TUBG1: variants seen among roughly 807,000 people sequenced by gnomAD.
The protein encoded by TUBG1 is tubulin gamma-1 chain.
TUBG1 carries 22 observed loss-of-function variants against 53.3 expected under a neutral mutation model. The ratio of observed to expected loss-of-function variants is 0.41; its 90% CI spans 0.29 to 0.59. The LOEUF (loss-of-function observed/expected upper bound fraction) is 0.59. TUBG1 is among the 20% of genes least tolerant of loss of function. TUBG1 has a pLI of 0.26. For missense variants in TUBG1, 217 were observed against 598.9 expected, an observed-to-expected ratio of 0.36 and a Z score of 6.66; for synonymous variants, 198 against 236.7, an observed-to-expected ratio of 0.84 and a Z score of 1.50.
At chr17:42,610,632 A>T (rs766588958) in intron 3 of TUBG1, 42 bp downstream of exon 3, 2 of 1,613,850 alleles carry the variant, frequency 1.2e-6, no homozygotes, top group East Asian at 4.5e-5. Context: ...CTCGCTGGGT[A>T]GGGACAGGCT....
chr17:42,611,388 A>G (rs995431985), intron 3 of TUBG1: 1 of 152,204 alleles, frequency 6.6e-6, no homozygotes, highest in Non-Finnish European at 1.5e-5. Context: ...TATTTAATAT[A>G]TAGTATATAT....
chr17:42,614,992 A>G lies in TUBG1; in HGVS notation c.1307A>G (p.His436Arg), dbSNP rs2143457014. 6.2e-7 allele frequency: 1 copy of G among 1,614,172 alleles called. No individual in the cohort carries two copies. Among genetic ancestry groups the G allele is most frequent in the Non-Finnish European group, 8.5e-7 (1 of 1,180,016 alleles). ...EIVQQLIDEY[H>R]AATRPDYISW... ...GTGCAGCAGCTCATCGATGAGTACCATGCGGCCACACGGCCAGACTACATC... is the reference window on the plus strand; with the variant it reads ...GTGCAGCAGCTCATCGATGAGTACCGTGCGGCCACACGGCCAGACTACATC... Residue 436 changes from histidine to arginine, a missense_variant, in exon 11 of 11, where the codon CAT (histidine) becomes CGT (arginine). This residue lies in a region of TUBG1 where 25 missense variants were observed against 32.4 expected (regional missense o/e 0.77). Transcript: ENST00000251413. The surrounding 1 kb of genome is among the most constrained non-coding windows in gnomAD (Gnocchi z 5.1).
Position 42,610,451 on chromosome 17 carries a change from C to T in TUBG1, c.191C>T (p.Ala64Val). 2 of 1,609,920 alleles carry T rather than the reference C, an allele frequency of 1.2e-6. No homozygotes were observed. The highest frequency in any genetic ancestry group is 1.7e-6 in the Non-Finnish European group (2 of 1,176,572). ...GACGATGAGCACTACATCCCCCGGGCCGTGCTGCTGGACTTGGAACCCCGG... is the reference window on the plus strand; with the variant it reads ...GACGATGAGCACTACATCCCCCGGGTCGTGCTGCTGGACTTGGAACCCCGG... ...QADDEHYIPR[A>V]VLLDLEPRVI... The change falls in exon 3 of 11, where the codon GCC (alanine) becomes GTC (valine). Residue 64 changes from alanine (A) to valine (V), a missense_variant. By Grantham distance (64) the Ala-to-Val change is moderately conservative (BLOSUM62 0). Around this residue, in one of 4 missense-constraint regions of TUBG1, gnomAD observed 57 missense variants for 169.3 expected, o/e 0.34. Transcript: ENST00000251413.
chr17:42,613,113 C>A, intron 6 of TUBG1, 40 bp downstream of exon 6: 2 of 1,598,120 alleles, frequency 1.3e-6, no homozygotes, highest in Non-Finnish European at 1.7e-6. Flanking sequence ...CTCAACACCC[C>A]ATACCCACTC....
rs768831248 is a variant in TUBG1 at position 42,615,070 on chromosome 17, C to T, written c.*29C>T. 1.9e-6 allele frequency: 3 copies of T among 1,611,868 alleles called. No homozygotes were observed. Among genetic ancestry groups the T allele is most frequent in the South Asian group, 1.1e-5 (1 of 90,898 alleles). On this transcript the variant is annotated 3_prime_UTR_variant, in exon 11 of 11. Transcript: ENST00000251413. ...CCCCAGGACAGGGACCCTCATCTGC[C>T]TTACTGGTTGGCCCAAGCCCTGCCT...
rs375184270 is a variant in TUBG1, at chr17:42,610,508, C to T, written c.248C>T (p.Ala83Val). 1 of 1,614,042 alleles carries T rather than the reference C, an allele frequency of 6.2e-7. No homozygotes were observed. Among genetic ancestry groups the T allele is most frequent in the Non-Finnish European group, 8.5e-7 (1 of 1,179,892 alleles). Residue 83 changes from alanine (A) to valine (V), a missense_variant, in exon 3 of 11, where the codon GCC becomes GTC. Physicochemically the swap from Ala to Val is moderately conservative, Grantham distance 64. Coordinates refer to ENST00000251413, the MANE Select transcript of TUBG1 (RefSeq NM_001070.5). ...CACTCCATCCTCAACTCCCCCTATGCCAAGCTCTACAACCCAGAGAACATC... is the reference window on the plus strand; with the variant it reads ...CACTCCATCCTCAACTCCCCCTATGTCAAGCTCTACAACCCAGAGAACATC... The part of the protein sequence containing the change: ...VIHSILNSPY[A>V]KLYNPENIYL...
chr17:42,610,241 G>T, intron 2 of TUBG1, 21 bp downstream of exon 2: 1 of 1,614,110 alleles, frequency 6.2e-7, no homozygotes, highest in East Asian at 2.2e-5. Flanking sequence ...CGACTTGGCC[G>T]GGGGCGGCAG....
At chr17:42,612,329 G>A in intron 4 of TUBG1, 98 bp from the exon 5 acceptor site, 1 of 1,438,058 alleles carries the variant, frequency 7.0e-7, no homozygotes, top group African/African-American at 1.4e-5. Context: ...GGGAAGCAAG[G>A]GCTCGGGAAA....
chr17:42,613,500 C>T (rs1004547570), intron 6 of TUBG1, 147 bp from the exon 7 acceptor site: 31 of 1,159,108 alleles, frequency 2.7e-5, no homozygotes, highest in Admixed American at 4.8e-5. Flanking sequence ...TTTGAGCCCT[C>T]CTTTGCCCTA....
In TUBG1 at chr17:42,614,738, T is replaced by C; in HGVS notation, c.1158+81T>C. Reference sequence around the variant, plus strand: ...ACCTCTCTGCATCTGCTGGCCCTGCTTCTAGCTTTTTTGCTGTGGGCATAG... The same window carrying C: ...ACCTCTCTGCATCTGCTGGCCCTGCCTCTAGCTTTTTTGCTGTGGGCATAG... On this transcript the variant is annotated intron_variant, in intron 10 of 10. Coordinates refer to ENST00000251413, the MANE Select transcript of TUBG1 (RefSeq NM_001070.5). The surrounding 1 kb of genome is among the most constrained non-coding windows in gnomAD (Gnocchi z 5.1). 2 of 1,605,012 alleles carry C rather than the reference T, an allele frequency of 1.2e-6. No homozygotes were observed. The highest frequency in any genetic ancestry group is 1.7e-6 in the Non-Finnish European group (2 of 1,174,522).
intron 3 of TUBG1, among the ~76,000 whole-genome samples, chr17:42,611,843 G>C (rs1416034350): frequency 6.6e-6 from 1 of 152,142 alleles, no homozygotes; most frequent in Admixed American, 6.5e-5. Context: ...GAGAAAGAGA[G>C]AGACTCCATC....
At position 42,609,792 on chromosome 17, in the gene TUBG1, C is replaced by A; in HGVS notation, c.49+6C>A. ...GGGCCAGTGCGGCAATCAGAGTGAG[C>A]GAAACTCCGGCCCCTCAGCTAGCCA... On this transcript the variant is annotated splice_donor_region_variant and intron_variant, in intron 1 of 10. Transcript: ENST00000251413. 1 of 1,551,116 alleles carries A rather than the reference C, an allele frequency of 6.4e-7. No homozygotes were observed. The highest frequency in any genetic ancestry group is 8.7e-7 in the Non-Finnish European group (1 of 1,146,754).
Position 42,615,145 on chromosome 17 carries a change from C to A in TUBG1, c.*104C>A. 9.2e-7 allele frequency: 1 copy of A among 1,088,372 alleles called. No individual in the cohort carries two copies. Among genetic ancestry groups the A allele is most frequent in the Non-Finnish European group, 1.4e-6 (1 of 740,342 alleles). The allele number at this position is 1,088,372 out of a possible 1,614,324, so 67.4% of individuals were successfully genotyped here. A position where few individuals can be genotyped will look rare whatever the true frequency, so the allele number is the denominator to read the frequency against. Reference sequence around the variant, plus strand: ...GATCAGGGACCTCACGCATCTCTTTCTCATATACATGGACTCTCTGTTGGC... The same window carrying A: ...GATCAGGGACCTCACGCATCTCTTTATCATATACATGGACTCTCTGTTGGC... On this transcript the variant is annotated 3_prime_UTR_variant, in exon 11 of 11. Transcript: ENST00000251413.
At chr17:42,613,202 C>T in intron 6 of TUBG1, 129 bp downstream of exon 6, 1 of 1,408,498 alleles carries the variant, frequency 7.1e-7, no homozygotes, top group Non-Finnish European at 9.5e-7. Context: ...GTAATCCCAT[C>T]ACTTTGGGAG....
chr17:42,610,364 G>A, intron 2 of TUBG1, 59 bp from the exon 3 acceptor site: 1 of 1,500,818 alleles, frequency 6.7e-7, no homozygotes, highest in African/African-American at 1.4e-5. Context: ...AGAGTTGGGA[G>A]GACTTCGGAC....
At chr17:42,613,110 C>T (rs1453379722) in intron 6 of TUBG1, 37 bp downstream of exon 6, 1 of 1,598,896 alleles carries the variant, frequency 6.3e-7, no homozygotes, top group East Asian at 2.2e-5. Flanking sequence ...ACTCTCAACA[C>T]CCCATACCCA....
At chr17:42,612,222 C>G in intron 4 of TUBG1, 79 bp downstream of exon 4, 1 of 1,472,724 alleles carries the variant, frequency 6.8e-7, no homozygotes, top group Non-Finnish European at 9.5e-7. Flanking sequence ...CTGTTAGGAA[C>G]AAGACCCACT....
At chr17:42,612,571 A>AGCAGATATAACTCCATATTT (rs2052044703) in intron 5 of TUBG1, 65 bp downstream of exon 5, 1 of 1,436,342 alleles carries the variant, frequency 7.0e-7, no homozygotes, top group South Asian at 1.1e-5. Flanking sequence ...TAGGGGACCC[A>AGCAGATATAACTCCATATTT]GCAGATATAA....
chr17:42,612,114 C>T lies in TUBG1; in HGVS notation c.370C>T (p.Arg124Trp), dbSNP rs752890678. The T allele has an allele frequency of 5.0e-6, 8 of 1,613,850 alleles. No homozygotes were observed. Among genetic ancestry groups the T allele is most frequent in the Non-Finnish European group, 5.9e-6 (7 of 1,179,970 alleles). Reference sequence around the variant, plus strand: ...TGAGGACATTTTTGACATCATAGACCGGGAGGCAGATGGTAGTGACAGTCT... The same window carrying T: ...TGAGGACATTTTTGACATCATAGACTGGGAGGCAGATGGTAGTGACAGTCT... ...IHEDIFDIID[R>W]EADGSDSLEG... Residue 124 changes from arginine (R) to tryptophan (W), a missense_variant, in exon 4 of 11, where the codon CGG (arginine) becomes TGG (tryptophan). Physicochemically the swap from Arg to Trp is moderately radical, Grantham distance 101 (BLOSUM62 -3). Transcript: ENST00000251413.
Sources: gnomAD v4.1 joint callset for allele counts (sites outside exome capture counted in the v4.1 genomes callset) on GRCh38, gnomAD v4.1.1 for gene constraint, gnomAD v4.1.1 regional missense constraint, Gnocchi (gnomAD v3.1) non-coding constraint, MANE v1.5 for transcripts, NCBI Gene and HGNC (gene_info 2026-07-23, HGNC 2026-07-21) for gene names.